The following CCDC32 variants were observed in gnomAD, a reference collection of about 807,000 sequenced individuals.
CCDC32 encodes coiled-coil domain containing 32.
A neutral mutation model predicts 20.1 loss-of-function variants in CCDC32; 9 were observed. The ratio of observed to expected loss-of-function variants is 0.45; its 90% CI spans 0.27 to 0.78. CCDC32 has a LOEUF of 0.78. Among genes scored for constraint, CCDC32 ranks in the 30% least tolerant of loss-of-function variants. The pLI is 0.16. For missense variants in CCDC32, 204 were observed against 215.5 expected, an observed-to-expected ratio of 0.95 and a Z score of 0.33; for synonymous variants, 63 against 79.0, an observed-to-expected ratio of 0.80 and a Z score of 1.07.
Position 40,563,011 on chromosome 15 carries a change from T to G in CCDC32, c.5A>C (p.Lys2Thr). The part of the protein sequence containing the change: M[K>T]MFESADSTAT... ...TGTAGAGTCAGCGCTCTCAAACATTTTCATTTGGAATCTGAGCTATAAAAC... is the reference window on the plus strand; with the variant it reads ...TGTAGAGTCAGCGCTCTCAAACATTGTCATTTGGAATCTGAGCTATAAAAC... Residue 2 changes from lysine (K) to threonine (T), a missense_variant, in exon 2 of 4, where the codon AAA becomes ACA. Coordinates refer to ENST00000416810, the MANE Select transcript of CCDC32 (RefSeq NM_001080792.4). 1 of 1,613,762 alleles carries G rather than the reference T, an allele frequency of 6.2e-7. No homozygotes were observed. Among genetic ancestry groups the G allele is most frequent in the South Asian group, 1.1e-5 (1 of 91,072 alleles).
chr15:40,554,140 A>G lies in CCDC32; in HGVS notation c.402-13T>C. 1 of 1,607,202 alleles carries G rather than the reference A, an allele frequency of 6.2e-7. No homozygotes were observed. Among genetic ancestry groups the G allele is most frequent in the Non-Finnish European group, 8.5e-7 (1 of 1,174,702 alleles). ...ATGTTCCAAGGTGCTATGAAAGGGC[A>G]GAATAAAAGGGTGGCTGTGTCAGAC... is the stretch of plus-strand genomic sequence containing the variant. On this transcript the variant is annotated splice_polypyrimidine_tract_variant and intron_variant, in intron 3 of 3. Coordinates refer to ENST00000416810, the MANE Select transcript of CCDC32 (RefSeq NM_001080792.4).
At chr15:40,541,745 C>T (rs1889404163) in intron 3 of CCDC32, among the ~76,000 whole-genome samples, 1 of 152,192 alleles carries the variant, frequency 6.6e-6, no homozygotes, top group South Asian at 2.1e-4. Flanking sequence ...CTCCTGCTCA[C>T]CCCCTAAAAT....
At position 40,554,047 on chromosome 15, in the gene CCDC32, G is replaced by A; in HGVS notation, c.482C>T (p.Pro161Leu). Residue 161 changes from proline (P) to leucine (L), a missense_variant, in exon 4 of 4, where the codon CCA becomes CTA. By Grantham distance (98) the Pro-to-Leu change is moderately conservative. Coordinates refer to ENST00000416810, the MANE Select transcript of CCDC32 (RefSeq NM_001080792.4). ...CACTGGCTTCTCAACCTGTGACTCT[G>A]GAGGAATCAGATACTGGACCTCCTC... ...STEEVQYLIP[P>L]ESQVEKPVAE... 6.2e-7 allele frequency: 1 copy of A among 1,613,738 alleles called. No individual in the cohort carries two copies.
intron 2 of CCDC32, among the ~76,000 whole-genome samples, chr15:40,559,489 T>A (rs539228674): frequency 6.6e-6 from 1 of 152,326 alleles, no homozygotes; most frequent in Non-Finnish European, 1.5e-5. Context: ...CTTATCATCA[T>A]TAAACAGATG....
At position 40,542,921 on chromosome 15, in the gene CCDC32, G is replaced by A. The variant is rs958184253; in HGVS notation, c.402-3566C>T. On this transcript the variant is annotated intron_variant, in intron 3 of 3. Coordinates refer to the CCDC32 transcript ENST00000558113. ...GCCTATAATCCCAACACTTTGGAAGGCCAAGGTAGGAGGATTGTTTGAGCC... is the reference window on the plus strand; with the variant it reads ...GCCTATAATCCCAACACTTTGGAAGACCAAGGTAGGAGGATTGTTTGAGCC... Among the ~76,000 whole-genome samples the A allele has an allele frequency of 7.2e-5, 11 of 151,804 alleles. No homozygotes were observed. The East Asian group carries it at 1.9e-3, about 27-fold the overall frequency.
intron 3 of CCDC32, among the ~76,000 whole-genome samples, chr15:40,556,152 G>A (rs17673703): frequency 0.35 from 53,686 of 152,068 alleles, 10,393 homozygotes; most frequent in Non-Finnish European, 0.45. Flanking sequence ...TGAGTGTCGA[G>A]CCCCATTCCT....
chr15:40,521,824 G>T, the CCDC32 span, among the ~76,000 whole-genome samples: 1 of 152,122 alleles, frequency 6.6e-6, no homozygotes, highest in Non-Finnish European at 1.5e-5. Context: ...TTTTATGATT[G>T]AGTTGTTAAA....
At chr15:40,536,895 G>T (rs1315222720), downstream of CCDC32, 2 of 152,274 alleles carry the variant, frequency 1.3e-5, no homozygotes, top group African/African-American at 4.8e-5. Flanking sequence ...GTCACCTAGG[G>T]TCGACTGAGG....
intron 1 of CCDC32, chr15:40,564,763 C>G (rs1051834415): frequency 1.1e-5 from 18 of 1,614,214 alleles, no homozygotes; most frequent in Non-Finnish European, 1.5e-5. Context: ...AAACTTTGCT[C>G]ACACCAGAGC....
At chr15:40,525,099 C>T (rs1309463947), downstream of CCDC32, among the ~76,000 whole-genome samples, 2 of 151,320 alleles carry the variant, frequency 1.3e-5, no homozygotes, top group Non-Finnish European at 2.9e-5. Flanking sequence ...GGCACAATCT[C>T]AACTCACCGC....
At chr15:40,548,564 C>G (rs544007638), downstream of CCDC32, among the ~76,000 whole-genome samples, 2 of 152,272 alleles carry the variant, frequency 1.3e-5, no homozygotes, top group African/African-American at 2.4e-5. Context: ...CTCTGTACCA[C>G]TTGGTGTCAC....
At chr15:40,556,837 CAAAA>C (rs10647113) in intron 3 of CCDC32, 6 of 111,160 alleles carry the variant, frequency 5.4e-5, no homozygotes, top group African/African-American at 1.0e-4. Context: ...GATTCCATCT[CAAAA>C]AAAAAAAAAA....
At chr15:40,550,045 A>G (rs1315937694), downstream of CCDC32, among the ~76,000 whole-genome samples, 1 of 152,068 alleles carries the variant, frequency 6.6e-6, no homozygotes, top group Non-Finnish European at 1.5e-5. Flanking sequence ...CAGGTATTGG[A>G]TGCATGCCTG....
downstream of CCDC32, chr15:40,534,801 C>T (rs913026689): frequency 1.5e-5 from 10 of 679,648 alleles, no homozygotes; most frequent in Admixed American, 4.1e-5. Context: ...AGTTCCATCT[C>T]CATATACCAT....
intron 3 of CCDC32, among the ~76,000 whole-genome samples, chr15:40,554,823 C>T (rs919600912): frequency 6.6e-6 from 1 of 152,162 alleles, no homozygotes; most frequent in Non-Finnish European, 1.5e-5. Context: ...AGCTATTAGA[C>T]GTTCACAGTA....
At chr15:40,545,481 C>A (rs1889581548) in intron 3 of CCDC32, among the ~76,000 whole-genome samples, 1 of 115,828 alleles carries the variant, frequency 8.6e-6, no homozygotes, top group Admixed American at 9.0e-5. Flanking sequence ...ACCTTTAGAG[C>A]AATGTGTGAC....
intron 2 of CCDC32, among the ~76,000 whole-genome samples, chr15:40,561,203 G>A (rs774815790): frequency 1.3e-5 from 2 of 152,110 alleles, no homozygotes; most frequent in Non-Finnish European, 2.9e-5. Flanking sequence ...GGCCGGGCAC[G>A]GTGGCTCACA....
chr15:40,522,503 G>A, the CCDC32 span, among the ~76,000 whole-genome samples: 2 of 152,224 alleles, frequency 1.3e-5, no homozygotes, highest in African/African-American at 2.4e-5. Flanking sequence ...AAATCCAGCT[G>A]TGATTTTGCT....
downstream of CCDC32, among the ~76,000 whole-genome samples, chr15:40,551,891 A>T (rs1374613656): frequency 6.6e-6 from 1 of 150,956 alleles, no homozygotes; most frequent in Non-Finnish European, 1.5e-5. Context: ...GGTGACTTGC[A>T]CCTGTAATCC....
Sources: gnomAD v4.1 joint callset for allele counts (sites outside exome capture counted in the v4.1 genomes callset) on GRCh38, gnomAD v4.1.1 for gene constraint, MANE v1.5 for transcripts, NCBI Gene and HGNC (gene_info 2026-07-23, HGNC 2026-07-21) for gene names.